CCDC40: variants seen among roughly 807,000 people sequenced by gnomAD.
CCDC40 encodes coiled-coil domain 40 molecular ruler complex subunit.
CCDC40 carries 104 observed loss-of-function variants against 124.5 expected under a neutral mutation model. The observed-to-expected ratio is 0.84, with a 90% CI of 0.71 to 0.98. The LOEUF (loss-of-function observed/expected upper bound fraction) is 0.98, where lower values mean the gene tolerates loss of function less well. CCDC40 is among the 50% of genes least tolerant of loss of function. The pLI is 0.00. For synonymous variants in CCDC40, 580 were observed against 602.9 expected (o/e 0.96, Z 0.56); for missense variants, 1,463 against 1,503.9 (o/e 0.97, Z 0.45).
intron 3 of CCDC40, among the ~76,000 whole-genome samples, chr17:80,046,273 G>A (rs1201842947): frequency 6.6e-6 from 1 of 152,154 alleles, no homozygotes; most frequent in Non-Finnish European, 1.5e-5. Context: ...GCTCACACCT[G>A]TAATCCCAGC....
At position 80,061,460 on chromosome 17, in the gene CCDC40, C is replaced by T. The variant is rs114376131; in HGVS notation, c.1440+2480C>T. ...CGGGGAGACAGGCAGGAGAAGACAA[C>T]TCGCAGCCATTAGTAAATCCGGGGT... On this transcript the variant is annotated intron_variant, in intron 9 of 19. Transcript: ENST00000397545. 3.2e-3 allele frequency among the ~76,000 whole-genome samples: 482 copies of T among 152,366 alleles called. 1 individual carries two copies. Among genetic ancestry groups the T allele is most frequent in the African/African-American group, 0.011 (468 of 41,592 alleles).
chr17:80,061,146 G>C (rs1003935448), intron 9 of CCDC40, among the ~76,000 whole-genome samples: 5 of 152,104 alleles, frequency 3.3e-5, no homozygotes, highest in Admixed American at 2.6e-4. Context: ...AGGAGTTCGA[G>C]ACCAGCCTGG....
At chr17:80,090,478 C>G (rs570731804) in intron 17 of CCDC40, 2 of 1,434,460 alleles carry the variant, frequency 1.4e-6, no homozygotes, top group South Asian at 1.3e-5. Context: ...ACAGGACACA[C>G]ACAAGCACGT....
intron 9 of CCDC40, among the ~76,000 whole-genome samples, chr17:80,059,548 C>T (rs1365200673): frequency 6.9e-6 from 1 of 144,460 alleles, no homozygotes; most frequent in Admixed American, 6.8e-5. Flanking sequence ...GGGAATGACA[C>T]GGAGGAAACA....
rs901814569 is a variant in CCDC40, at chr17:80,086,280, C to T, written c.2449+64C>T. On this transcript the variant is annotated intron_variant, in intron 14 of 19. Coordinates refer to ENST00000397545, the MANE Select transcript of CCDC40 (RefSeq NM_017950.4). The surrounding 1 kb of genome is among the most constrained non-coding windows in gnomAD (Gnocchi z 5.5). ...ACGAGCTCTGGGACGTGGGCACCTCCCAGGGGAGGGGCACTCAGTGGGGCA... is the reference window on the plus strand; with the variant it reads ...ACGAGCTCTGGGACGTGGGCACCTCTCAGGGGAGGGGCACTCAGTGGGGCA... The T allele has an allele frequency of 1.4e-6, 2 of 1,398,320 alleles. No homozygotes were observed. Among genetic ancestry groups the T allele is most frequent in the African/African-American group, 1.4e-5 (1 of 70,188 alleles). The allele number at this position is 1,398,320 out of a possible 1,614,324, so 86.6% of individuals were successfully genotyped here.
rs780493615 is a variant in CCDC40 at position 80,040,167 on chromosome 17, A to C, written c.449A>C (p.Glu150Ala). 6.2e-7 allele frequency: 1 copy of C among 1,613,948 alleles called. No individual in the cohort carries two copies. Among genetic ancestry groups the C allele is most frequent in the Non-Finnish European group, 8.5e-7 (1 of 1,179,874 alleles). The change falls in exon 3 of 20, where the codon GAA (glutamate) becomes GCA (alanine). Residue 150 changes from glutamate (E) to alanine (A), a missense_variant. Physicochemically the swap from Glu to Ala is moderately radical, Grantham distance 107. Coordinates refer to ENST00000397545, the MANE Select transcript of CCDC40 (RefSeq NM_017950.4). The stretch of plus-strand genomic sequence containing the variant: ...CAGCAAGAGGCCACCGGTCCACCAG[A>C]ATCCAGAGAAAGGAGGGTCACCTCC... Reference protein sequence around the residue: ...GFQQEATGPPESRERRVTSPE... With the variant: ...GFQQEATGPPASRERRVTSPE...
chr17:80,091,781 T>G (rs891474693), intron 17 of CCDC40, among the ~76,000 whole-genome samples: 2 of 152,184 alleles, frequency 1.3e-5, no homozygotes, highest in Non-Finnish European at 2.9e-5. Flanking sequence ...TCTTTTTTTT[T>G]TCTTCTAGAC....
rs145454715 is a variant in CCDC40 at position 80,083,021 on chromosome 17, G to A, written c.1989+963G>A. Among the ~76,000 whole-genome samples, 408 of 152,268 alleles carry A rather than the reference G, an allele frequency of 2.7e-3. 4 individuals carry two copies. Among genetic ancestry groups the A allele is most frequent in the African/African-American group, 9.2e-3 (383 of 41,554 alleles). Reference sequence around the variant, plus strand: ...GAGGAGGAGCAAAGTGTGGATGGGCGGGACCACCCATCCGGAGCTGGGGTC... The same window carrying A: ...GAGGAGGAGCAAAGTGTGGATGGGCAGGACCACCCATCCGGAGCTGGGGTC... On this transcript the variant is annotated intron_variant, in intron 12 of 19. Coordinates refer to ENST00000397545, the MANE Select transcript of CCDC40 (RefSeq NM_017950.4).
intron 7 of CCDC40, among the ~76,000 whole-genome samples, chr17:80,050,763 C>T (rs1235642343): frequency 6.6e-6 from 1 of 152,140 alleles, no homozygotes; most frequent in Non-Finnish European, 1.5e-5. Context: ...TTAAATGGCA[C>T]CTGTCAGGAC....
intron 12 of CCDC40, among the ~76,000 whole-genome samples, chr17:80,083,300 A>C (rs2038503203): frequency 6.6e-6 from 1 of 152,180 alleles, no homozygotes; most frequent in Admixed American, 6.5e-5. Context: ...TGACATTGCC[A>C]CACAACTCCA....
intron 9 of CCDC40, among the ~76,000 whole-genome samples, chr17:80,059,769 AG>A (rs2037850653): frequency 6.6e-6 from 1 of 152,112 alleles, no homozygotes; most frequent in Non-Finnish European, 1.5e-5. Flanking sequence ...CATGTTGGCC[AG>A]GTTGGTCTCA....
chr17:80,085,243 G>A (rs200287542), intron 13 of CCDC40, among the ~76,000 whole-genome samples: 2 of 152,370 alleles, frequency 1.3e-5, no homozygotes, highest in South Asian at 2.1e-4. Context: ...CCTCCATAGC[G>A]AGAAGGAGCA....
At chr17:80,078,185 G>T (rs914689817) in intron 10 of CCDC40, among the ~76,000 whole-genome samples, 5 of 151,956 alleles carry the variant, frequency 3.3e-5, no homozygotes, top group African/African-American at 1.2e-4. Context: ...CAAAAAATTA[G>T]CCGGGCGTGG....
At chr17:80,051,502 G>A (rs186033824) in intron 7 of CCDC40, among the ~76,000 whole-genome samples, 4,317 of 149,892 alleles carry the variant, frequency 0.029, 213 homozygotes, top group African/African-American at 0.095. Context: ...AGTGGCGGGC[G>A]CCTGTAGTCC....
intron 18 of CCDC40, among the ~76,000 whole-genome samples, chr17:80,096,663 T>C (rs1399712508): frequency 6.6e-6 from 1 of 151,814 alleles, no homozygotes; most frequent in Non-Finnish European, 1.5e-5. Context: ...TGATGGGTCC[T>C]TGTCCTCACC....
intron 10 of CCDC40, among the ~76,000 whole-genome samples, chr17:80,079,519 C>T (rs895524848): frequency 1.3e-5 from 2 of 152,136 alleles, no homozygotes; most frequent in Admixed American, 6.5e-5. Context: ...TAAATGATGC[C>T]TGTGCCATAA....
chr17:80,045,394 G>T (rs184084744), intron 3 of CCDC40, among the ~76,000 whole-genome samples: 1 of 152,120 alleles, frequency 6.6e-6, no homozygotes, highest in Non-Finnish European at 1.5e-5. Flanking sequence ...GTCAATAGTC[G>T]TAACTGCAAA....
At chr17:80,081,484 C>T (rs2038447392) in intron 10 of CCDC40, 62 bp from the exon 11 acceptor site, 1 of 1,609,768 alleles carries the variant, frequency 6.2e-7, no homozygotes, top group Non-Finnish European at 8.5e-7. Flanking sequence ...TGGGGCGCAG[C>T]TCTGTGCACT....
At chr17:80,094,488 G>A (rs1326070598) in intron 17 of CCDC40, among the ~76,000 whole-genome samples, 3 of 151,848 alleles carry the variant, frequency 2.0e-5, no homozygotes, top group African/African-American at 4.8e-5. Context: ...CAAGGTGGGC[G>A]GATCGAGACC....
Sources: allele counts gnomAD v4.1 joint callset (sites outside exome capture counted in the v4.1 genomes callset), GRCh38; gene constraint gnomAD v4.1.1; non-coding constraint Gnocchi (gnomAD v3.1); transcripts MANE v1.5; gene names NCBI Gene and HGNC (gene_info 2026-07-23, HGNC 2026-07-21).